The following KLRG2 variants were observed in gnomAD, a reference collection of about 807,000 sequenced individuals.
The protein encoded by KLRG2 is killer cell lectin-like receptor subfamily G member 2.
KLRG2 carries 39 observed loss-of-function variants against 35.4 expected under a neutral mutation model. The ratio of observed to expected loss-of-function variants is 1.10; its 90% CI spans 0.85 to 1.44. The LOEUF (loss-of-function observed/expected upper bound fraction) is 1.44. Among genes scored for constraint, KLRG2 ranks in the 40% most tolerant of loss-of-function variants. The probability of loss-of-function intolerance (pLI) is 0.00; values close to 1 mark genes in which losing one functional copy is unlikely to be tolerated. For synonymous variants in KLRG2, 283 were observed against 265.8 expected, an observed-to-expected ratio of 1.06 and a Z score of -0.63; for missense variants, 632 against 570.9, an observed-to-expected ratio of 1.11 and a Z score of -1.09.
At chr7:139,449,693 CTTT>C (rs547906496), downstream of KLRG2, among the ~76,000 whole-genome samples, 249 of 101,512 alleles carry the variant, frequency 2.5e-3, no homozygotes, top group Middle Eastern at 9.6e-3. Flanking sequence ...TATCCTTATT[CTTT>C]TTTTTTTTTT....
chr7:139,437,200 G>C, the KLRG2 span, among the ~76,000 whole-genome samples: 1 of 152,102 alleles, frequency 6.6e-6, no homozygotes, highest in Non-Finnish European at 1.5e-5. Flanking sequence ...GCCGAGGCAG[G>C]TGGATCAGCT....
rs746742723 is a variant in KLRG2 at position 139,454,224 on chromosome 7, A to G, written c.1006-10T>C. The G allele has an allele frequency of 1.4e-5, 20 of 1,381,134 alleles. No homozygotes were observed. Among genetic ancestry groups the G allele is most frequent in the Admixed American group, 6.0e-5 (3 of 50,184 alleles). The allele number at this position is 1,381,134 out of a possible 1,614,324, so 85.6% of individuals were successfully genotyped here. ...ATCTGCCCAGGAAGTCCTGAGGGAG[A>G]AAAGTAAGCTGGTCACTCCCCTGGA... is the stretch of plus-strand genomic sequence containing the variant. On this transcript the variant is annotated splice_polypyrimidine_tract_variant and intron_variant, in intron 3 of 4. Transcript: ENST00000340940.
At chr7:139,439,746 T>C in the KLRG2 span, among the ~76,000 whole-genome samples, 2 of 152,154 alleles carry the variant, frequency 1.3e-5, no homozygotes, top group African/African-American at 2.4e-5. Context: ...CAGATGTTGG[T>C]TGGGAATAGC....
chr7:139,478,364 C>T, intron 3 of KLRG2, among the ~76,000 whole-genome samples: 1 of 95,406 alleles, frequency 1.0e-5, no homozygotes, highest in East Asian at 3.6e-4. Flanking sequence ...GGACCTGTTT[C>T]AAAAAAAAAA....
At chr7:139,452,464 A>G (rs1585159978), downstream of KLRG2, among the ~76,000 whole-genome samples, 1 of 152,316 alleles carries the variant, frequency 6.6e-6, no homozygotes, top group East Asian at 1.9e-4. Context: ...CTAATGAAAA[A>G]TACAGTGTGA....
At chr7:139,469,904 C>T (rs938892294) in intron 3 of KLRG2, among the ~76,000 whole-genome samples, 12 of 152,122 alleles carry the variant, frequency 7.9e-5, no homozygotes, top group African/African-American at 2.2e-4. Context: ...CACTGTGGGG[C>T]GTAAGGAGTA....
chr7:139,437,749 C>T, the KLRG2 span, among the ~76,000 whole-genome samples: 50,064 of 152,096 alleles, frequency 0.33, 11,559 homozygotes, highest in African/African-American at 0.66. Flanking sequence ...TGAGCCACCG[C>T]ACCCGGCCAT....
In KLRG2 at chr7:139,483,176, G is replaced by C; in HGVS notation, c.467C>G (p.Pro156Arg). The change falls in exon 1 of 5, where the codon CCC becomes CGC. Residue 156 changes from proline (P) to arginine (R), a missense_variant. Transcript: ENST00000340940. Reference sequence around the variant, plus strand: ...GTGGCGGGAGAAGGCAGGGGACTCGGGCACCGGCACCTTGAGGAAGCGCGT... The same window carrying C: ...GTGGCGGGAGAAGGCAGGGGACTCGCGCACCGGCACCTTGAGGAAGCGCGT... ...PSTRFLKVPV[P>R]ESPAFSRHAD... The C allele has an allele frequency of 6.6e-7, 1 of 1,504,878 alleles. No individual in the cohort carries two copies. The highest frequency in any genetic ancestry group is 8.8e-7 in the Non-Finnish European group (1 of 1,134,450). 93.2% of individuals were successfully genotyped at this position (1,504,878 alleles called of 1,614,324 possible).
At chr7:139,482,420 TTC>T (rs543565428) in intron 1 of KLRG2, among the ~76,000 whole-genome samples, 35 of 152,010 alleles carry the variant, frequency 2.3e-4, no homozygotes, top group Non-Finnish European at 4.7e-4. Flanking sequence ...GAGACGGAGT[TTC>T]TCTCTTGTTG....
At chr7:139,438,672 T>G in the KLRG2 span, among the ~76,000 whole-genome samples, 1 of 137,326 alleles carries the variant, frequency 7.3e-6, no homozygotes, top group South Asian at 2.2e-4. Context: ...GGAAACATTT[T>G]GGCAATTTTT....
intron 3 of KLRG2, among the ~76,000 whole-genome samples, chr7:139,475,567 G>T (rs1216786660): frequency 1.3e-5 from 2 of 151,830 alleles, no homozygotes; most frequent in East Asian, 1.9e-4. Context: ...GTGCTGGGGG[G>T]GTGGCGGCAC....
intron 3 of KLRG2, among the ~76,000 whole-genome samples, chr7:139,475,257 C>T (rs965711313): frequency 3.3e-5 from 5 of 152,158 alleles, no homozygotes; most frequent in Admixed American, 1.3e-4. Flanking sequence ...CCAGGCTGGG[C>T]GCGGTGGCTC....
chr7:139,452,044 C>T (rs916237918), downstream of KLRG2, among the ~76,000 whole-genome samples: 7 of 149,722 alleles, frequency 4.7e-5, no homozygotes, highest in Admixed American at 4.7e-4. Context: ...TCTCGGCTCA[C>T]TGCAACCTCC....
At chr7:139,479,054 G>C (rs1026318052) in intron 3 of KLRG2, among the ~76,000 whole-genome samples, 2 of 151,984 alleles carry the variant, frequency 1.3e-5, no homozygotes, top group Admixed American at 1.3e-4. Context: ...GTGAGACCCT[G>C]TCCCTTAAAA....
the KLRG2 span, among the ~76,000 whole-genome samples, chr7:139,431,653 A>G: frequency 6.6e-6 from 1 of 152,186 alleles, no homozygotes; most frequent in Non-Finnish European, 1.5e-5. Flanking sequence ...AAGCTCCACT[A>G]CATAAGCTGG....
the KLRG2 span, among the ~76,000 whole-genome samples, chr7:139,444,269 C>T: frequency 2.6e-5 from 4 of 152,202 alleles, no homozygotes; most frequent in Non-Finnish European, 5.9e-5. Flanking sequence ...CAATACTTTG[C>T]GTCCTTCAAT....
intron 3 of KLRG2, among the ~76,000 whole-genome samples, chr7:139,457,616 A>G (rs568948361): frequency 1.7e-4 from 26 of 152,168 alleles, no homozygotes; most frequent in Admixed American, 1.1e-3. Flanking sequence ...TCCTACACAC[A>G]TGAGCCCCTT....
intron 3 of KLRG2, among the ~76,000 whole-genome samples, chr7:139,465,141 T>C (rs974369532): frequency 1.3e-5 from 2 of 152,224 alleles, no homozygotes; most frequent in Non-Finnish European, 2.9e-5. Flanking sequence ...CTATAGTATC[T>C]TCCACACCTA....
At chr7:139,464,260 A>G (rs1308693850) in intron 3 of KLRG2, among the ~76,000 whole-genome samples, 2 of 151,754 alleles carry the variant, frequency 1.3e-5, no homozygotes, top group Non-Finnish European at 2.9e-5. Flanking sequence ...AATCACCCAT[A>G]CCCCGCTAAA....
Sources: gnomAD v4.1 joint callset for allele counts (sites outside exome capture counted in the v4.1 genomes callset) on GRCh38, gnomAD v4.1.1 for gene constraint, MANE v1.5 for transcripts, NCBI Gene and HGNC (gene_info 2026-07-23, HGNC 2026-07-21) for gene names.